FSTL1: variants seen among roughly 807,000 people sequenced by gnomAD.
The protein encoded by FSTL1 is follistatin like 1, also known as follistatin-related protein 1.
Under a neutral mutation model 45.9 loss-of-function variants are expected in FSTL1, and 24 were observed. The observed-to-expected ratio is 0.52, with a 90% confidence interval of 0.38 to 0.74. The LOEUF (loss-of-function observed/expected upper bound fraction) is 0.74, where lower values mean the gene tolerates loss of function less well. Ranked by LOEUF, FSTL1 falls within the 30% of genes least tolerant of loss-of-function variation. FSTL1 has a pLI of 0.00. For synonymous variants in FSTL1, 120 were observed against 137.6 expected, an observed-to-expected ratio of 0.87 and a Z score of 0.89; for missense variants, 340 against 381.8, an observed-to-expected ratio of 0.89 and a Z score of 0.91.
intron 2 of FSTL1, among the ~76,000 whole-genome samples, chr3:120,449,477 C>T (rs1182716920): frequency 6.6e-6 from 1 of 152,170 alleles, no homozygotes; most frequent in Non-Finnish European, 1.5e-5. Context: ...ATTGGGTAAC[C>T]TTCGCTGACT....
intron 2 of FSTL1, among the ~76,000 whole-genome samples, chr3:120,428,290 C>T (rs1359258213): frequency 1.3e-5 from 2 of 152,144 alleles, no homozygotes; most frequent in African/African-American, 4.8e-5. Flanking sequence ...GGATTGGGCA[C>T]ATTAGTAAGA....
At chr3:120,404,368 C>G (rs535449435) in intron 7 of FSTL1, among the ~76,000 whole-genome samples, 1 of 152,008 alleles carries the variant, frequency 6.6e-6, no homozygotes, top group Admixed American at 6.6e-5. Flanking sequence ...AGTTTCTTAG[C>G]GATTAGTTTT....
rs145054908 is a variant in FSTL1 at position 120,411,864 on chromosome 3, T to C, written c.288A>G (p.Gly96=). ...GAGAGCACACCTTACCTTTGCAGTGTCCATCGTAATCAACCTGGATTTTGG... is the reference window on the plus strand; with the variant it reads ...GAGAGCACACCTTACCTTTGCAGTGCCCATCGTAATCAACCTGGATTTTGG... ...TGSKIQVDYD[G]HCKEKKSVSP... The change falls in exon 4 of 11, where the codon GGA becomes GGG. Residue 96 remains glycine, a synonymous_variant. Transcript: ENST00000295633. 5 of 1,614,042 alleles carry C rather than the reference T, an allele frequency of 3.1e-6. No individual in the cohort carries two copies. Among genetic ancestry groups the C allele is most frequent in the African/African-American group, 1.3e-5 (1 of 75,064 alleles).
chr3:120,396,982 C>T lies in FSTL1; in HGVS notation c.897G>A (p.Lys299=). ...TCTCTTTGGTGCTCACTCTCTTGGT[C>T]TTTTCAGCTGTTTCCTTTGAGATGC... ...ELQKHQETAE[K]TKRVSTKEI The change falls in exon 11 of 11, where the codon AAG becomes AAA. Residue 299 remains lysine (K), a synonymous_variant. Coordinates refer to ENST00000295633, the MANE Select transcript of FSTL1 (RefSeq NM_007085.5). 3.7e-6 allele frequency: 6 copies of T among 1,612,022 alleles called. No homozygotes were observed. Among genetic ancestry groups the T allele is most frequent in the Non-Finnish European group, 5.1e-6 (6 of 1,178,120 alleles).
intron 3 of FSTL1, among the ~76,000 whole-genome samples, chr3:120,413,389 G>A (rs1559737304): frequency 6.6e-6 from 1 of 152,092 alleles, no homozygotes; most frequent in Non-Finnish European, 1.5e-5. Context: ...CCTCAGGTTT[G>A]GTCTCAGCTC....
intron 7 of FSTL1, among the ~76,000 whole-genome samples, chr3:120,403,930 A>AAAAC (rs1936883357): frequency 7.8e-6 from 1 of 129,022 alleles, no homozygotes; most frequent in African/African-American, 2.9e-5. Flanking sequence ...CAAAAAAAAA[A>AAAAC]AAAAAAAAAA....
chr3:120,428,750 G>GCAA (rs71156800), intron 2 of FSTL1, among the ~76,000 whole-genome samples: 63,420 of 150,924 alleles, frequency 0.42, 14,251 homozygotes, highest in East Asian at 0.66. Flanking sequence ...AAAACAAACA[G>GCAA]CAACAACAAC....
chr3:120,403,279 G>T lies in FSTL1; in HGVS notation c.657C>A (p.Leu219=). Reference sequence around the variant, plus strand: ...GGTTGAAAGATGGGTTGAGGCACTTGAGAAACTCTTGGAAGCTGAGTTTCC... The same window carrying T: ...GGTTGAAAGATGGGTTGAGGCACTTTAGAAACTCTTGGAAGCTGAGTTTCC... ...ADWKLSFQEF[L]KCLNPSFNPP... is the part of the protein sequence containing the mutation. The change falls in exon 8 of 11, where the codon CTC becomes CTA. Residue 219 remains leucine, a synonymous_variant. Coordinates refer to ENST00000295633, the MANE Select transcript of FSTL1 (RefSeq NM_007085.5). 1 of 1,610,566 alleles carries T rather than the reference G, an allele frequency of 6.2e-7. No individual in the cohort carries two copies. The highest frequency in any genetic ancestry group is 1.1e-5 in the South Asian group (1 of 90,980).
intron 7 of FSTL1, among the ~76,000 whole-genome samples, chr3:120,403,599 C>G (rs544467242): frequency 3.9e-4 from 59 of 152,254 alleles, no homozygotes; most frequent in East Asian, 9.6e-4. Context: ...ATGTTCCCCC[C>G]CTTAAGATGA....
chr3:120,395,354 A>G lies in FSTL1; in HGVS notation c.*1598T>C, dbSNP rs1936675199. The G allele has an allele frequency of 1.4e-5, 4 of 285,120 alleles. No individual in the cohort carries two copies. In the Admixed American group the frequency reaches 1.6e-4, roughly 11 times the overall value. 17.7% of individuals were successfully genotyped at this position (285,120 alleles called of 1,614,324 possible). A position where few individuals can be genotyped will look rare whatever the true frequency, so the allele number is the denominator to read the frequency against. ...GGTTAATAATCACAGAAGTCGAAAG[A>G]CACAGGACTAACTGTAAATGACTGA... On this transcript the variant is annotated 3_prime_UTR_variant, in exon 11 of 11. Coordinates refer to ENST00000295633, the MANE Select transcript of FSTL1 (RefSeq NM_007085.5).
chr3:120,428,283 T>A (rs866871803), intron 2 of FSTL1, among the ~76,000 whole-genome samples: 1 of 152,164 alleles, frequency 6.6e-6, no homozygotes, highest in African/African-American at 2.4e-5. Context: ...TCCCCTTGGA[T>A]TGGGCACATT....
chr3:120,427,163 G>C (rs918727993), intron 2 of FSTL1, among the ~76,000 whole-genome samples: 4 of 152,152 alleles, frequency 2.6e-5, no homozygotes, highest in Non-Finnish European at 5.9e-5. Flanking sequence ...TGTCTGGCTT[G>C]CCCAAATTCT....
chr3:120,435,961 G>T (rs1291037662), intron 2 of FSTL1, among the ~76,000 whole-genome samples: 3 of 151,914 alleles, frequency 2.0e-5, no homozygotes, highest in Non-Finnish European at 4.4e-5. Context: ...GAGGAAAAAC[G>T]CAATTACCTA....
intron 2 of FSTL1, among the ~76,000 whole-genome samples, chr3:120,439,260 C>A (rs150620528): frequency 6.6e-6 from 1 of 152,334 alleles, no homozygotes; most frequent in Non-Finnish European, 1.5e-5. Context: ...TGGAATTCAG[C>A]TGGAGGCTGA....
At chr3:120,428,422 C>T (rs1402192019) in intron 2 of FSTL1, among the ~76,000 whole-genome samples, 1 of 152,116 alleles carries the variant, frequency 6.6e-6, no homozygotes, top group Non-Finnish European at 1.5e-5. Flanking sequence ...AGCAAAGTAG[C>T]ACCAGTCTCC....
At chr3:120,401,182 G>A (rs1380282891) in intron 9 of FSTL1, among the ~76,000 whole-genome samples, 1 of 152,178 alleles carries the variant, frequency 6.6e-6, no homozygotes, top group African/African-American at 2.4e-5. Flanking sequence ...CATGGTTGAG[G>A]CAGGCTAGGC....
intron 2 of FSTL1, among the ~76,000 whole-genome samples, chr3:120,417,478 T>G (rs1430896146): frequency 6.6e-6 from 1 of 152,218 alleles, no homozygotes; most frequent in African/African-American, 2.4e-5. Flanking sequence ...GTTCACATGC[T>G]GTTGATAAAC....
intron 2 of FSTL1, among the ~76,000 whole-genome samples, chr3:120,426,305 T>G (rs1382432163): frequency 1.3e-5 from 2 of 152,140 alleles, no homozygotes; most frequent in Admixed American, 6.5e-5. Flanking sequence ...CCAACATCCC[T>G]ACACATTCCC....
intron 9 of FSTL1, 85 bp downstream of exon 9, chr3:120,402,723 A>G (rs1936850321): frequency 2.2e-6 from 2 of 889,262 alleles, no homozygotes; most frequent in South Asian, 1.4e-5. Flanking sequence ...CCTCTTCTCC[A>G]TCATCCCCAC....
Sources: allele counts gnomAD v4.1 joint callset (sites outside exome capture counted in the v4.1 genomes callset), GRCh38; gene constraint gnomAD v4.1.1; transcripts MANE v1.5; gene names NCBI Gene and HGNC (gene_info 2026-07-23, HGNC 2026-07-21).